Variants in BPIFB2 observed in about 807,000 individuals in gnomAD.
The protein encoded by BPIFB2 is BPI fold containing family B member 2, also known as BPI fold-containing family B member 2.
In BPIFB2, 39 loss-of-function variants were observed where a neutral mutation model predicts 50.1. The ratio of observed to expected loss-of-function variants is 0.78; its 90% CI spans 0.60 to 1.02. The LOEUF (loss-of-function observed/expected upper bound fraction) is 1.02. Ranked by LOEUF, BPIFB2 falls within the 50% of genes least tolerant of loss-of-function variation. The pLI, the probability that BPIFB2 is intolerant of heterozygous loss-of-function variation, is 0.00. For synonymous variants in BPIFB2, 280 were observed against 256.3 expected, an observed-to-expected ratio of 1.09 and a Z score of -0.88; for missense variants, 574 against 585.8, an observed-to-expected ratio of 0.98 and a Z score of 0.21.
chr20:33,020,024 C>T (rs1978600848), intron 11 of BPIFB2, among the ~76,000 whole-genome samples: 1 of 152,188 alleles, frequency 6.6e-6, no homozygotes, highest in African/African-American at 2.4e-5. Context: ...AGAAGGTCCC[C>T]ATCAGCCTTC....
At chr20:33,017,664 GAGTTC>G (rs1322277411) in intron 7 of BPIFB2, among the ~76,000 whole-genome samples, 1 of 152,198 alleles carries the variant, frequency 6.6e-6, no homozygotes, top group Non-Finnish European at 1.5e-5. Context: ...TGTGCTCTTG[GAGTTC>G]TCATAGGAGA....
intron 5 of BPIFB2, among the ~76,000 whole-genome samples, chr20:33,015,197 C>A (rs1330287782): frequency 6.6e-6 from 1 of 152,204 alleles, no homozygotes; most frequent in Non-Finnish European, 1.5e-5. Context: ...TCTCACGCGC[C>A]ACATTCTTGG....
chr20:33,023,460 A>G lies in BPIFB2; in HGVS notation c.*77A>G. On this transcript the variant is annotated 3_prime_UTR_variant, in exon 16 of 16. Coordinates refer to ENST00000170150, the MANE Select transcript of BPIFB2 (RefSeq NM_025227.3). ...TTTCTCATTTCAAGCCACTGGGGAA[A>G]CTGAGGCAAAACCATACTTAGTCAT... 1 of 1,527,062 alleles carries G rather than the reference A, an allele frequency of 6.5e-7. No individual in the cohort carries two copies. Among genetic ancestry groups the G allele is most frequent in the African/African-American group, 1.4e-5 (1 of 73,076 alleles). 94.6% of individuals were successfully genotyped at this position (1,527,062 alleles called of 1,614,324 possible).
chr20:33,017,169 C>G (rs900457650), intron 7 of BPIFB2, 67 bp downstream of exon 7: 19 of 1,467,190 alleles, frequency 1.3e-5, no homozygotes, highest in Non-Finnish European at 1.7e-5. Context: ...TAGAACCCTC[C>G]AAAGGCTCCA....
intron 12 of BPIFB2, 67 bp downstream of exon 12, chr20:33,020,462 C>T: frequency 1.2e-6 from 2 of 1,600,068 alleles, no homozygotes; most frequent in Middle Eastern, 1.7e-4. Flanking sequence ...CATCACCACC[C>T]TGGGTCACGG....
At chr20:33,023,102 G>A (rs6059017) in intron 15 of BPIFB2, among the ~76,000 whole-genome samples, 3,717 of 152,254 alleles carry the variant, frequency 0.024, 150 homozygotes, top group African/African-American at 0.084. Context: ...TCCACCATCG[G>A]AGCAGCAACC....
Position 33,014,254 on chromosome 20 carries a change from G to C in BPIFB2, c.455+298G>C, listed in dbSNP as rs184865677. On this transcript the variant is annotated intron_variant, in intron 5 of 15. Transcript: ENST00000170150. ...GAGGGATTTTGGGTGGATCAGACTG[G>C]CTGTGAGGACCTCGGAGACCCACCC... Among the ~76,000 whole-genome samples, 714 of 152,336 alleles carry C rather than the reference G, an allele frequency of 4.7e-3. 5 individuals are homozygous for C. The highest frequency in any genetic ancestry group is 0.016 in the African/African-American group (663 of 41,570).
chr20:33,008,147 G>A (rs1178543539), intron 1 of BPIFB2, among the ~76,000 whole-genome samples: 2 of 152,194 alleles, frequency 1.3e-5, no homozygotes, highest in Non-Finnish European at 2.9e-5. Context: ...GCTGTCACAC[G>A]GGGCTGGACT....
At chr20:33,019,197 C>T (rs1600515156) in intron 10 of BPIFB2, 82 bp downstream of exon 10, 9 of 1,536,382 alleles carry the variant, frequency 5.9e-6, no homozygotes, top group Admixed American at 1.7e-5. Flanking sequence ...TCTCTGCTGG[C>T]TCTTATCTGT....
intron 12 of BPIFB2, 31 bp from the exon 13 acceptor site, chr20:33,020,511 C>A (rs752092445): frequency 2.5e-6 from 4 of 1,601,412 alleles, no homozygotes; most frequent in Non-Finnish European, 3.4e-6. Context: ...GGTGCCAGAC[C>A]CTGTCCTGAA....
rs1273586799 is a variant in BPIFB2, at chr20:33,019,214, T to A, written c.909+99T>A. The A allele has an allele frequency of 2.7e-6, 4 of 1,463,448 alleles. No homozygotes were observed. The East Asian group carries it at 9.1e-5, about 33-fold the overall frequency. 90.7% of individuals were successfully genotyped at this position (1,463,448 alleles called of 1,614,324 possible). ...TCTGCTGGCTCTTATCTGTCCCAAG[T>A]GAAGTTCAGCATCTGTCCTTAAACC... On this transcript the variant is annotated intron_variant, in intron 10 of 15. Coordinates refer to ENST00000170150, the MANE Select transcript of BPIFB2 (RefSeq NM_025227.3).
intron 7 of BPIFB2, among the ~76,000 whole-genome samples, 199 bp from the exon 8 acceptor site, chr20:33,018,060 T>C (rs921563444): frequency 2.6e-5 from 4 of 152,230 alleles, no homozygotes; most frequent in African/African-American, 9.6e-5. Context: ...CAGCAGGCTG[T>C]GAGTAGCTCA....
rs79995692 is a variant in BPIFB2, at chr20:33,016,602, C to T, written c.517-440C>T. On this transcript the variant is annotated intron_variant, in intron 6 of 15. Coordinates refer to ENST00000170150, the MANE Select transcript of BPIFB2 (RefSeq NM_025227.3). ...GCTGCCCATGGTGCCCAGGGAAAACCTCTGTAGCTCCCTGGCCTGGCATCT... is the reference window on the plus strand; with the variant it reads ...GCTGCCCATGGTGCCCAGGGAAAACTTCTGTAGCTCCCTGGCCTGGCATCT... Among the ~76,000 whole-genome samples the T allele has an allele frequency of 7.5e-3, 1,142 of 152,328 alleles. 16 individuals carry two copies. The highest frequency in any genetic ancestry group is 0.026 in the African/African-American group (1,077 of 41,570).
intron 15 of BPIFB2, 132 bp downstream of exon 15, chr20:33,021,931 A>G: frequency 1.1e-6 from 1 of 908,884 alleles, no homozygotes; most frequent in South Asian, 1.5e-5. Context: ...CAATGAAATG[A>G]AAAGTCCAGG....
At chr20:33,014,980 C>A (rs1278006208) in intron 5 of BPIFB2, among the ~76,000 whole-genome samples, 1 of 152,002 alleles carries the variant, frequency 6.6e-6, no homozygotes, top group Non-Finnish European at 1.5e-5. Flanking sequence ...GCCTATGGAG[C>A]ACTGTTGAGT....
At chr20:33,016,314 T>C (rs571756719) in intron 6 of BPIFB2, among the ~76,000 whole-genome samples, 255 of 152,218 alleles carry the variant, frequency 1.7e-3, no homozygotes, top group Non-Finnish European at 3.1e-3. Context: ...GATGCCCAAG[T>C]GGACAGCTTA....
chr20:33,020,871 C>T (rs575514337), intron 13 of BPIFB2, among the ~76,000 whole-genome samples: 1 of 152,162 alleles, frequency 6.6e-6, no homozygotes, highest in Admixed American at 6.5e-5. Context: ...ATTGGGTCAT[C>T]GGCCACCATA....
At chr20:33,011,147 C>T (rs1423635247) in intron 3 of BPIFB2, 30 bp downstream of exon 3, 8 of 1,596,162 alleles carry the variant, frequency 5.0e-6, no homozygotes, top group Non-Finnish European at 6.9e-6. Context: ...AGAGAAGGTG[C>T]TCCTGCCACC....
chr20:33,013,325 G>T (rs57595775), intron 4 of BPIFB2, among the ~76,000 whole-genome samples: 3,732 of 152,172 alleles, frequency 0.025, 167 homozygotes, highest in African/African-American at 0.085. Context: ...GTATGTTACT[G>T]CATTTAATTT....
Sources: gnomAD v4.1 joint callset for allele counts (sites outside exome capture counted in the v4.1 genomes callset) on GRCh38, gnomAD v4.1.1 for gene constraint, MANE v1.5 for transcripts, NCBI Gene and HGNC (gene_info 2026-07-23, HGNC 2026-07-21) for gene names.